SRPK1: variants seen among roughly 807,000 people sequenced by gnomAD.
SRPK1 encodes SRSF protein kinase 1.
A neutral mutation model predicts 89.5 loss-of-function variants in SRPK1; 52 were observed. The ratio of observed to expected loss-of-function variants is 0.58; its 90% CI spans 0.46 to 0.73. SRPK1 has a LOEUF of 0.73. SRPK1 is among the 30% of genes least tolerant of loss of function. The pLI is 0.00. For synonymous variants in SRPK1, 255 were observed against 270.2 expected (o/e 0.94, Z 0.55); for missense variants, 603 against 780.6 (o/e 0.77, Z 2.71).
At position 35,897,064 on chromosome 6, in the gene SRPK1, T is replaced by C. The variant is rs187276480; in HGVS notation, c.75-6051A>G. Among the ~76,000 whole-genome samples, 20 of 152,072 alleles carry C rather than the reference T, an allele frequency of 1.3e-4. 1 individual carries two copies. The highest frequency in any genetic ancestry group is 1.2e-3 in the Admixed American group (19 of 15,246). On this transcript the variant is annotated intron_variant, in intron 2 of 15. Coordinates refer to ENST00000373825, the MANE Select transcript of SRPK1 (RefSeq NM_003137.5). ...GTTGCCAGGGTCTGAGTAAAGCGAG[T>C]AATGGTGAGTGACTACTAATGGGTT... is the stretch of plus-strand genomic sequence containing the variant.
At chr6:35,893,077 C>T (rs2127259207) in intron 2 of SRPK1, among the ~76,000 whole-genome samples, 1 of 152,310 alleles carries the variant, frequency 6.6e-6, no homozygotes, top group South Asian at 2.1e-4. Context: ...TTTAGTAATA[C>T]ACTGGCCCAC....
chr6:35,867,607 G>A (rs942137461), intron 12 of SRPK1, among the ~76,000 whole-genome samples: 6 of 152,134 alleles, frequency 3.9e-5, no homozygotes, highest in Non-Finnish European at 8.8e-5. Context: ...CTTGAGGTCC[G>A]GAGTTTGAGG....
intron 6 of SRPK1, among the ~76,000 whole-genome samples, chr6:35,880,263 T>C (rs897540556): frequency 5.9e-5 from 9 of 151,480 alleles, no homozygotes; most frequent in Admixed American, 2.6e-4. Context: ...AAAGGCAGAT[T>C]TGGGTAGGCA....
intron 12 of SRPK1, among the ~76,000 whole-genome samples, chr6:35,868,584 G>C (rs1769961126): frequency 6.6e-6 from 1 of 152,160 alleles, no homozygotes; most frequent in Admixed American, 6.5e-5. Flanking sequence ...ATTTCTGGCT[G>C]ACAAAGCAAA....
intron 6 of SRPK1, among the ~76,000 whole-genome samples, chr6:35,875,870 C>A (rs1770144372): frequency 6.6e-6 from 1 of 152,096 alleles, no homozygotes; most frequent in African/African-American, 2.4e-5. Flanking sequence ...ACTGCCTTAA[C>A]CAAGTGATCA....
intron 6 of SRPK1, among the ~76,000 whole-genome samples, chr6:35,878,783 C>G (rs1203666673): frequency 6.6e-6 from 1 of 152,150 alleles, no homozygotes; most frequent in Non-Finnish European, 1.5e-5. Flanking sequence ...CCTTTGGGAG[C>G]CAGACATTAA....
chr6:35,874,993 T>G (rs1770123811), intron 6 of SRPK1, among the ~76,000 whole-genome samples: 1 of 152,192 alleles, frequency 6.6e-6, no homozygotes, highest in Non-Finnish European at 1.5e-5. Flanking sequence ...ACAGAGATTT[T>G]AGTAGTATCT....
At chr6:35,835,826 G>T (rs1007445844) in intron 15 of SRPK1, among the ~76,000 whole-genome samples, 1 of 151,970 alleles carries the variant, frequency 6.6e-6, no homozygotes, top group African/African-American at 2.4e-5. Flanking sequence ...GTCTTATATG[G>T]TGTGCAGAGA....
rs374021155 is a variant in SRPK1 at position 35,853,253 on chromosome 6, A to G, written c.1620+4008T>C. ...ACCACTGCACTCCAGCCTGGGCAAC[A>G]GAGCAAGACCCCATCCCTAAAAAAC... On this transcript the variant is annotated intron_variant, in intron 13 of 15. Coordinates refer to ENST00000373825, the MANE Select transcript of SRPK1 (RefSeq NM_003137.5). Among the ~76,000 whole-genome samples, 4 of 152,292 alleles carry G rather than the reference A, an allele frequency of 2.6e-5. No homozygotes were observed. In the East Asian group the frequency reaches 5.8e-4, roughly 22 times the overall value.
intron 2 of SRPK1, among the ~76,000 whole-genome samples, chr6:35,916,985 G>A (rs886248902): frequency 1.3e-5 from 2 of 152,080 alleles, no homozygotes; most frequent in East Asian, 3.9e-4. Context: ...GCTTGAGCCC[G>A]GGAGGCAGAG....
At chr6:35,915,822 A>G (rs993403153) in intron 2 of SRPK1, among the ~76,000 whole-genome samples, 15 of 151,678 alleles carry the variant, frequency 9.9e-5, no homozygotes, top group Non-Finnish European at 1.8e-4. Context: ...AATACAAAAA[A>G]TTAGTGGGGC....
intron 7 of SRPK1, among the ~76,000 whole-genome samples, chr6:35,873,453 T>A (rs1770078738): frequency 6.6e-6 from 1 of 152,182 alleles, no homozygotes; most frequent in Non-Finnish European, 1.5e-5. Context: ...GCACAATAAA[T>A]TCTAAAGGTT....
chr6:35,848,645 A>G (rs1769474298), intron 13 of SRPK1, among the ~76,000 whole-genome samples: 1 of 152,212 alleles, frequency 6.6e-6, no homozygotes, highest in Non-Finnish European at 1.5e-5. Context: ...GGTCCTGGCA[A>G]AAAAAGCAGA....
chr6:35,894,914 G>A (rs116095145), intron 2 of SRPK1, among the ~76,000 whole-genome samples: 39 of 152,254 alleles, frequency 2.6e-4, no homozygotes, highest in Admixed American at 3.9e-4. Context: ...ACAGGATTCT[G>A]TTTTACAGAT....
intron 12 of SRPK1, 112 bp from the exon 13 acceptor site, chr6:35,857,480 G>C (rs1769689361): frequency 1.2e-6 from 1 of 834,238 alleles, no homozygotes; most frequent in Non-Finnish European, 1.9e-6. Flanking sequence ...CCAAACCAAA[G>C]TTCTCACTTT....
intron 2 of SRPK1, among the ~76,000 whole-genome samples, chr6:35,917,202 T>C (rs527716346): frequency 7.9e-5 from 12 of 152,342 alleles, no homozygotes; most frequent in Non-Finnish European, 1.3e-4. Context: ...TGCTGTTTCA[T>C]AGACACAGGA....
intron 14 of SRPK1, among the ~76,000 whole-genome samples, chr6:35,839,007 T>C (rs10484264): frequency 0.27 from 41,700 of 152,198 alleles, 6,097 homozygotes; most frequent in South Asian, 0.41. Context: ...TTTTGGAGGC[T>C]TATCTTCATC....
chr6:35,916,010 AC>A (rs2127271287), intron 2 of SRPK1, among the ~76,000 whole-genome samples: 1 of 84,108 alleles, frequency 1.2e-5, no homozygotes, highest in African/African-American at 3.5e-5. Flanking sequence ...ACACACACAC[AC>A]ACACACACAC....
At chr6:35,911,144 A>G (rs1770952436) in intron 2 of SRPK1, among the ~76,000 whole-genome samples, 1 of 152,242 alleles carries the variant, frequency 6.6e-6, no homozygotes, top group African/African-American at 2.4e-5. Flanking sequence ...GGAAAAATCT[A>G]TTGAAAACCT....
Sources: allele counts gnomAD v4.1 joint callset (sites outside exome capture counted in the v4.1 genomes callset), GRCh38; gene constraint gnomAD v4.1.1; transcripts MANE v1.5; gene names NCBI Gene and HGNC (gene_info 2026-07-23, HGNC 2026-07-21).